MEF2C: variants seen among roughly 807,000 people sequenced by gnomAD.
MEF2C encodes the protein myocyte enhancer factor 2C, also known as myocyte-specific enhancer factor 2C.
A neutral mutation model predicts 50.5 loss-of-function variants in MEF2C; 6 were observed. That is an observed-to-expected ratio of 0.12 (90% CI 0.07 to 0.23). MEF2C has a LOEUF of 0.23. MEF2C is among the 10% of genes least tolerant of loss of function. MEF2C has a pLI of 1.00. For missense variants in MEF2C, 276 were observed against 605.0 expected (o/e 0.46, Z 5.70); for synonymous variants, 183 against 228.0 (o/e 0.80, Z 1.78).
intron 3 of MEF2C, among the ~76,000 whole-genome samples, chr5:88,765,983 A>T (rs1490373160): frequency 1.3e-5 from 2 of 152,202 alleles, no homozygotes; most frequent in Non-Finnish European, 2.9e-5. Flanking sequence ...AGCGATTGTC[A>T]TACTGTGAGC....
chr5:88,864,900 TG>T (rs573119525), intron 1 of MEF2C, among the ~76,000 whole-genome samples: 86 of 152,238 alleles, frequency 5.6e-4, no homozygotes, highest in African/African-American at 2.0e-3. Context: ...CCTGAGTAGT[TG>T]GGATTACAGG....
chr5:88,845,324 A>G (rs1818915438), intron 1 of MEF2C, among the ~76,000 whole-genome samples: 1 of 152,200 alleles, frequency 6.6e-6, no homozygotes. Context: ...TTATGGAAAA[A>G]ACTCTTCCTT....
At chr5:88,741,393 C>A (rs1766700558) in intron 6 of MEF2C, 36 of 985,392 alleles carry the variant, frequency 3.7e-5, no homozygotes, top group Non-Finnish European at 4.2e-5. Context: ...ACAGACTTTT[C>A]AAGGGCAATA....
chr5:88,774,514 G>C (rs1783904955), intron 3 of MEF2C, among the ~76,000 whole-genome samples: 1 of 151,942 alleles, frequency 6.6e-6, no homozygotes, highest in African/African-American at 2.4e-5. Flanking sequence ...AGTAGAGACG[G>C]GGTTTCACCG....
At chr5:88,816,825 G>T (rs930138803) in intron 2 of MEF2C, among the ~76,000 whole-genome samples, 1 of 151,746 alleles carries the variant, frequency 6.6e-6, no homozygotes, top group Admixed American at 6.6e-5. Context: ...ATGATACTAA[G>T]AAAAAACAAT....
chr5:88,846,616 G>A (rs1819452070), intron 1 of MEF2C, among the ~76,000 whole-genome samples: 1 of 152,126 alleles, frequency 6.6e-6, no homozygotes, highest in Non-Finnish European at 1.5e-5. Context: ...ATCCCTGCAG[G>A]GAGATTACCT....
At chr5:88,825,624 A>G in intron 1 of MEF2C, 1 of 984,884 alleles carries the variant, frequency 1.0e-6, no homozygotes, top group Non-Finnish European at 1.2e-6. Flanking sequence ...ATTGCATCAT[A>G]TATTTGATGT....
intron 3 of MEF2C, among the ~76,000 whole-genome samples, chr5:88,789,805 G>A (rs1240495812): frequency 1.3e-5 from 2 of 151,656 alleles, no homozygotes; most frequent in East Asian, 1.9e-4. Flanking sequence ...TATAAAATGG[G>A]GTATATTTCC....
At chr5:88,879,817 G>A (rs1581931129) in intron 1 of MEF2C, among the ~76,000 whole-genome samples, 1 of 152,118 alleles carries the variant, frequency 6.6e-6, no homozygotes, top group Non-Finnish European at 1.5e-5. Flanking sequence ...AAGCAACAGG[G>A]TCAAAGTATG....
chr5:88,850,886 GTCT>G (rs1469546135), intron 1 of MEF2C, among the ~76,000 whole-genome samples: 1 of 149,288 alleles, frequency 6.7e-6, no homozygotes, highest in Admixed American at 6.7e-5. Context: ...TCTCTTCGTC[GTCT>G]TCATCAGCCT....
intron 6 of MEF2C, chr5:88,737,499 C>G (rs555816684): frequency 2.0e-6 from 2 of 985,242 alleles, no homozygotes; most frequent in African/African-American, 3.5e-5. Context: ...TCCACACTGA[C>G]GAGTATTTGT....
chr5:88,841,814 C>T (rs1485945041), intron 1 of MEF2C, among the ~76,000 whole-genome samples: 1 of 152,108 alleles, frequency 6.6e-6, no homozygotes, highest in African/African-American at 2.4e-5. Context: ...GGGAATAAAA[C>T]AGACAAAATT....
rs1041728796 is a variant in MEF2C at position 88,843,578 on chromosome 5, GA to G, written c.-142-19649del. The G allele has an allele frequency of 2.7e-5, 14 of 516,024 alleles. No homozygotes were observed. In the East Asian group the frequency reaches 1.8e-3, roughly 66 times the overall value. 32.0% of individuals were successfully genotyped at this position (516,024 alleles called of 1,614,324 possible). A position where few individuals can be genotyped will look rare whatever the true frequency, so the allele number is the denominator to read the frequency against. ...AGACTCAATTTCTCCACAACAAAGTGAGAGGTGTTAACTATGTAATATATAT... is the reference window on the plus strand; with the variant it reads ...AGACTCAATTTCTCCACAACAAAGTGGAGGTGTTAACTATGTAATATATAT... On this transcript the variant is annotated intron_variant, in intron 1 of 10. Transcript: ENST00000504921.
rs186452202 is a variant in MEF2C, at chr5:88,725,512, C to T, written c.1101-2587G>A. The stretch of plus-strand genomic sequence containing the variant: ...TCTACTTGAGAACAAAATATAGACA[C>T]GAATAATTATAGACCCTGATAATTG... On this transcript the variant is annotated intron_variant, in intron 10 of 10. Coordinates refer to ENST00000504921, the MANE Select transcript of MEF2C (RefSeq NM_002397.5). 1.6e-4 allele frequency among the ~76,000 whole-genome samples: 25 copies of T among 152,044 alleles called. No individual in the cohort carries two copies. In the East Asian group the frequency reaches 3.7e-3, roughly 22 times the overall value.
At chr5:88,900,744 T>C (rs566412546) in intron 1 of MEF2C, among the ~76,000 whole-genome samples, 3 of 152,136 alleles carry the variant, frequency 2.0e-5, no homozygotes, top group Admixed American at 6.5e-5. Context: ...TTGTTACTTA[T>C]AGTTTACTAG....
At chr5:88,850,106 C>G (rs200511694) in intron 1 of MEF2C, among the ~76,000 whole-genome samples, 54,960 of 149,584 alleles carry the variant, frequency 0.37, 11,320 homozygotes, top group East Asian at 0.47. Context: ...CCATAACAGG[C>G]CCCGGTGTGT....
rs148988621 is a variant in MEF2C, at chr5:88,780,533, T to C, written c.259-19205A>G. On this transcript the variant is annotated intron_variant, in intron 3 of 10. Coordinates refer to ENST00000504921, the MANE Select transcript of MEF2C (RefSeq NM_002397.5). ...AGAATATTTAAAATACCTGTTCACCTGGTATTAAGCCACATGTGTAATACA... is the reference window on the plus strand; with the variant it reads ...AGAATATTTAAAATACCTGTTCACCCGGTATTAAGCCACATGTGTAATACA... Among the ~76,000 whole-genome samples, 7 of 152,338 alleles carry C rather than the reference T, an allele frequency of 4.6e-5. 1 individual carries two copies. In the East Asian group the frequency reaches 1.3e-3, roughly 29 times the overall value.
At chr5:88,885,757 A>G (rs1362226296), upstream of MEF2C, among the ~76,000 whole-genome samples, 1 of 152,360 alleles carries the variant, frequency 6.6e-6, no homozygotes, top group South Asian at 2.1e-4. Context: ...GTTTATTGCC[A>G]TAATACCTAA....
At chr5:88,859,669 CTAAT>C (rs1221681051) in intron 1 of MEF2C, among the ~76,000 whole-genome samples, 2 of 152,174 alleles carry the variant, frequency 1.3e-5, no homozygotes, top group African/African-American at 2.4e-5. Context: ...TTAGATTGAT[CTAAT>C]TAATTGTACA....
Sources: gnomAD v4.1 joint callset for allele counts (sites outside exome capture counted in the v4.1 genomes callset) on GRCh38, gnomAD v4.1.1 for gene constraint, MANE v1.5 for transcripts, NCBI Gene and HGNC (gene_info 2026-07-23, HGNC 2026-07-21) for gene names.